The following PIGG variants were observed in gnomAD, a reference collection of about 807,000 sequenced individuals.
PIGG encodes GPI ethanolamine phosphate transferase 2, catalytic subunit.
Under a neutral mutation model 83.2 loss-of-function variants are expected in PIGG, and 70 were observed. The observed-to-expected ratio is 0.84, with a 90% CI of 0.69 to 1.03. The LOEUF (loss-of-function observed/expected upper bound fraction) is 1.03, where lower values mean the gene tolerates loss of function less well. Ranked by LOEUF, PIGG falls within the 50% of genes least tolerant of loss-of-function variation. PIGG has a pLI of 0.00. For synonymous variants in PIGG, 532 were observed against 519.5 expected (o/e 1.02, Z -0.33); for missense variants, 1,257 against 1,233.6 (o/e 1.02, Z -0.28).
intron 12 of PIGG, among the ~76,000 whole-genome samples, chr4:535,462 G>C: frequency 9.8e-6 from 1 of 102,140 alleles, no homozygotes; most frequent in African/African-American, 5.2e-5. Context: ...GCGAGCGTCT[G>C]GGACACTGAC....
chr4:507,629 G>A (rs782117619), intron 4 of PIGG, 36 bp downstream of exon 4: 3 of 1,545,424 alleles, frequency 1.9e-6, no homozygotes, highest in East Asian at 2.3e-5. Context: ...TGCTGATGTG[G>A]TTTCACGTGG....
In PIGG at chr4:528,356, A is replaced by G. The variant is rs1728231305; in HGVS notation, c.2261+1126A>G. The G allele has an allele frequency of 1.0e-6, 1 of 985,168 alleles. No individual in the cohort carries two copies. The highest frequency in any genetic ancestry group is 1.7e-5 in the African/African-American group (1 of 57,204). 61.0% of individuals were successfully genotyped at this position (985,168 alleles called of 1,614,324 possible). A position where few individuals can be genotyped will look rare whatever the true frequency, so the allele number is the denominator to read the frequency against. ...TTGTATCTTAGCGATGTCTAGAGTT[A>G]ATAAGTGTTGCTTTTCTAATCACAG... On this transcript the variant is annotated intron_variant, in intron 10 of 12. Transcript: ENST00000453061. The surrounding 1 kb of genome is among the most constrained non-coding windows in gnomAD (Gnocchi z 4.8).
At chr4:524,311 A>G (rs933000738) in intron 9 of PIGG, among the ~76,000 whole-genome samples, 1 of 152,198 alleles carries the variant, frequency 6.6e-6, no homozygotes. Flanking sequence ...GTGTCAGGCC[A>G]TTCGTGTGTT....
intron 6 of PIGG, among the ~76,000 whole-genome samples, chr4:516,926 C>T (rs1724082070): frequency 6.6e-6 from 1 of 151,184 alleles, no homozygotes; most frequent in Non-Finnish European, 1.5e-5. Flanking sequence ...GTGGGGGAGC[C>T]ACTGGGGCAG....
chr4:523,584 C>T lies in PIGG; in HGVS notation c.1740C>T (p.Phe580=), dbSNP rs1361645394. ...AGGAGGAGCACCAGACCTGGTACTT[C>T]CTTGTGAACACCCTGTGTCTAGCTC... is the stretch of plus-strand genomic sequence containing the variant. ...FVEEEHQTWY[F]LVNTLCLALS... Residue 580 remains phenylalanine (F), a synonymous_variant, in exon 9 of 13, where the codon TTC becomes TTT. Transcript: ENST00000453061. 1 of 1,614,160 alleles carries T rather than the reference C, an allele frequency of 6.2e-7. No homozygotes were observed. Among genetic ancestry groups the T allele is most frequent in the African/African-American group, 1.3e-5 (1 of 75,040 alleles).
rs146825084 is a variant in PIGG at position 528,973 on chromosome 4, C to G, written c.2262-1463C>G. ...AGATCATTGTAACAGCTGCCGCTCT[C>G]CTGTCAGTCCCCCGGGCCCTGCCAT... On this transcript the variant is annotated intron_variant, in intron 10 of 12. Coordinates refer to ENST00000453061, the MANE Select transcript of PIGG (RefSeq NM_001127178.3). This position sits in a 1 kb window ranked among gnomAD's most constrained non-coding sequence, Gnocchi z 4.8. Among the ~76,000 whole-genome samples the G allele has an allele frequency of 9.0e-3, 1,374 of 152,286 alleles. 21 individuals carry two copies. The highest frequency in any genetic ancestry group is 9.5e-3 in the Non-Finnish European group (649 of 68,020).
rs772968134 is a variant in PIGG, at chr4:533,907, A to G, written c.2661A>G (p.Thr887=). The stretch of plus-strand genomic sequence containing the variant: ...TGGAAATCCCAGCCGTGCTCCTGAC[A>G]GCGTTTGGGACGTACGCAGGGCCTG... ...TYVEIPAVLL[T]AFGTYAGPVL... The change falls in exon 12 of 13, where the codon ACA becomes ACG. Residue 887 remains threonine (T), a synonymous_variant. Coordinates refer to ENST00000453061, the MANE Select transcript of PIGG (RefSeq NM_001127178.3). The G allele has an allele frequency of 1.9e-6, 3 of 1,614,138 alleles. No individual in the cohort carries two copies. The highest frequency in any genetic ancestry group is 2.5e-6 in the Non-Finnish European group (3 of 1,180,000).
At position 523,624 on chromosome 4, in the gene PIGG, T is replaced by A. The variant is rs1726697166; in HGVS notation, c.1780T>A (p.Tyr594Asn). Residue 594 changes from tyrosine (Y) to asparagine (N), a missense_variant, in exon 9 of 13, where the codon TAC (tyrosine) becomes AAC (asparagine). By Grantham distance (143) the Tyr-to-Asn change is moderately radical. Transcript: ENST00000453061. ...TLCLALSQETYRNYFLGDDGE... is the reference protein window; with the variant it reads ...TLCLALSQETNRNYFLGDDGE... ...GTGTCTAGCTCTGAGCCAAGAAACC[T>A]ACAGAAACTACTTTCTGGGAGATGA... is the stretch of plus-strand genomic sequence containing the variant. 1 of 1,614,034 alleles carries A rather than the reference T, an allele frequency of 6.2e-7. No individual in the cohort carries two copies. Among genetic ancestry groups the A allele is most frequent in the Non-Finnish European group, 8.5e-7 (1 of 1,180,044 alleles).
Position 513,151 on chromosome 4 carries a change from T to A in PIGG, c.902-2822T>A, listed in dbSNP as rs1296188365. Among the ~76,000 whole-genome samples the A allele has an allele frequency of 9.2e-5, 14 of 152,332 alleles. 1 individual carries two copies. The East Asian group carries it at 2.3e-3, about 25-fold the overall frequency. Reference sequence around the variant, plus strand: ...TAAAGATTTCTTTGTTTGTTCTGTATCCCTAGACAATTTCCAGAGACTGTG... The same window carrying A: ...TAAAGATTTCTTTGTTTGTTCTGTAACCCTAGACAATTTCCAGAGACTGTG... On this transcript the variant is annotated intron_variant, in intron 5 of 12. Transcript: ENST00000453061.
At chr4:507,122 T>C (rs797033719) in intron 3 of PIGG, among the ~76,000 whole-genome samples, 39 of 152,384 alleles carry the variant, frequency 2.6e-4, no homozygotes, top group African/African-American at 9.1e-4. Context: ...TTATTTATTA[T>C]AGACGTGGGG....
chr4:512,080 A>G (rs1722147148), intron 5 of PIGG, among the ~76,000 whole-genome samples: 1 of 152,166 alleles, frequency 6.6e-6, no homozygotes, highest in African/African-American at 2.4e-5. Flanking sequence ...GATGTGTTTC[A>G]TCAAATTTGG....
chr4:522,323 C>T, intron 8 of PIGG: 1 of 464,426 alleles, frequency 2.2e-6, no homozygotes, highest in Non-Finnish European at 3.9e-6. Context: ...GAAGAAGAGA[C>T]AATCGGCCTG....
At chr4:524,179 T>G (rs1361333951) in intron 9 of PIGG, among the ~76,000 whole-genome samples, 1 of 152,222 alleles carries the variant, frequency 6.6e-6, no homozygotes, top group Non-Finnish European at 1.5e-5. Context: ...TGAAAACTTG[T>G]GTTTCAGTGA....
intron 10 of PIGG, chr4:527,709 C>A: frequency 1.0e-6 from 1 of 985,344 alleles, no homozygotes; most frequent in Non-Finnish European, 1.2e-6. Flanking sequence ...ATAACGAGCC[C>A]CCGTAAGGGG....
intron 2 of PIGG, chr4:500,951 A>T: frequency 2.6e-6 from 1 of 383,988 alleles, no homozygotes; most frequent in South Asian, 2.1e-5. Flanking sequence ...TTTAGAGTTA[A>T]TCTAGTTCAG....
chr4:524,194 T>C (rs1726913436), intron 9 of PIGG, among the ~76,000 whole-genome samples: 1 of 152,208 alleles, frequency 6.6e-6, no homozygotes, highest in African/African-American at 2.4e-5. Flanking sequence ...CAGTGATCAT[T>C]ATATAGTAAA....
At position 521,148 on chromosome 4, in the gene PIGG, A is replaced by G. The variant is rs1233234368; in HGVS notation, c.1207A>G (p.Asn403Asp). Residue 403 changes from asparagine (N) to aspartate (D), a missense_variant, in exon 7 of 13, where the codon AAC (asparagine) becomes GAC (aspartate). Transcript: ENST00000453061. ...GGAAAAGCATTCAGAAGTCCTATTCAACCTGGGCTCCAAGGTTCTCAGGCA... is the reference window on the plus strand; with the variant it reads ...GGAAAAGCATTCAGAAGTCCTATTCGACCTGGGCTCCAAGGTTCTCAGGCA... ...LEEKHSEVLF[N>D]LGSKVLRQYL... 1.9e-6 allele frequency: 3 copies of G among 1,614,006 alleles called. No homozygotes were observed. Among genetic ancestry groups the G allele is most frequent in the African/African-American group, 2.7e-5 (2 of 74,928 alleles).
In PIGG at chr4:533,956, C is replaced by T. The variant is rs1401973942; in HGVS notation, c.2710C>T (p.His904Tyr). 5 of 1,614,180 alleles carry T rather than the reference C, an allele frequency of 3.1e-6. No individual in the cohort carries two copies. Among genetic ancestry groups the T allele is most frequent in the South Asian group, 2.2e-5 (2 of 91,088 alleles). ...GPVLWASHLVHFLSSETRSGS... is the reference protein window; with the variant it reads ...GPVLWASHLVYFLSSETRSGS... ...TGTGCTGTGGGCCAGCCACTTAGTGCACTTCCTGAGCTCAGAAACACGCAG... is the reference window on the plus strand; with the variant it reads ...TGTGCTGTGGGCCAGCCACTTAGTGTACTTCCTGAGCTCAGAAACACGCAG... The change falls in exon 12 of 13, where the codon CAC (histidine) becomes TAC (tyrosine). Residue 904 changes from histidine (H) to tyrosine (Y), a missense_variant. Physicochemically the swap from His to Tyr is moderately conservative, Grantham distance 83. Coordinates refer to ENST00000453061, the MANE Select transcript of PIGG (RefSeq NM_001127178.3).
intron 11 of PIGG, chr4:531,453 C>G (rs770617667): frequency 6.5e-6 from 1 of 153,144 alleles, no homozygotes; most frequent in Non-Finnish European, 1.5e-5. Context: ...TGGTCTCTAC[C>G]GTGAGGTCTG....
Sources: gnomAD v4.1 joint callset for allele counts (sites outside exome capture counted in the v4.1 genomes callset) on GRCh38, gnomAD v4.1.1 for gene constraint, Gnocchi (gnomAD v3.1) non-coding constraint, MANE v1.5 for transcripts, NCBI Gene and HGNC (gene_info 2026-07-23, HGNC 2026-07-21) for gene names.